Variants in FER observed in about 807,000 individuals in gnomAD.
The protein encoded by FER is tyrosine-protein kinase Fer.
Under a neutral mutation model 111.0 loss-of-function variants are expected in FER, and 63 were observed. The observed-to-expected ratio is 0.57, with a 90% CI of 0.46 to 0.70. FER has a LOEUF of 0.70. FER is among the 30% of genes least tolerant of loss of function. The pLI, the probability that FER is intolerant of heterozygous loss-of-function variation, is 0.00. For synonymous variants in FER, 327 were observed against 313.9 expected (o/e 1.04, Z -0.44); for missense variants, 914 against 954.0 (o/e 0.96, Z 0.55).
rs1160970428 is a variant in FER, at chr5:109,013,795, C to G, written c.1657-23627C>G. ...CATTCTAACTGGTGTGAGATGGTAT[C>G]TCATTGTGGTTTTGATTTGCATTTC... On this transcript the variant is annotated intron_variant, in intron 13 of 19. Coordinates refer to ENST00000281092, the MANE Select transcript of FER (RefSeq NM_005246.4). 9.4e-5 allele frequency among the ~76,000 whole-genome samples: 14 copies of G among 149,550 alleles called. No homozygotes were observed. In the South Asian group the frequency reaches 2.5e-3, roughly 27 times the overall value.
chr5:109,113,501 C>CT (rs1259954388), intron 17 of FER, among the ~76,000 whole-genome samples: 1 of 152,142 alleles, frequency 6.6e-6, no homozygotes, highest in East Asian at 1.9e-4. Context: ...AAGACATTCT[C>CT]TTTTCACTTC....
At chr5:108,849,478 G>GTTGTTGTTGTTA (rs773480769) in intron 5 of FER, among the ~76,000 whole-genome samples, 95 of 151,512 alleles carry the variant, frequency 6.3e-4, no homozygotes, top group South Asian at 1.5e-3. Context: ...TGTTGTTGTT[G>GTTGTTGTTGTTA]TTTTGTTTTG....
At chr5:109,097,315 C>G (rs1489498183) in intron 16 of FER, among the ~76,000 whole-genome samples, 1 of 151,834 alleles carries the variant, frequency 6.6e-6, no homozygotes, top group Non-Finnish European at 1.5e-5. Context: ...TTATAGAATT[C>G]TAGGAAATAA....
In FER at chr5:108,991,796, T is replaced by C. The variant is rs74355040; in HGVS notation, c.1656+32449T>C. Among the ~76,000 whole-genome samples the C allele has an allele frequency of 7.7e-3, 1,171 of 152,158 alleles. 16 individuals are homozygous for C. Among genetic ancestry groups the C allele is most frequent in the African/African-American group, 0.027 (1,106 of 41,550 alleles). ...AAGATATAACTTAGCCACAGAAATATATTAAATTATTTCAAAGCTTTCTCT... is the reference window on the plus strand; with the variant it reads ...AAGATATAACTTAGCCACAGAAATACATTAAATTATTTCAAAGCTTTCTCT... On this transcript the variant is annotated intron_variant, in intron 13 of 19. Transcript: ENST00000281092.
intron 13 of FER, among the ~76,000 whole-genome samples, chr5:108,979,118 A>C (rs1761740449): frequency 6.6e-6 from 1 of 152,188 alleles, no homozygotes; most frequent in Non-Finnish European, 1.5e-5. Flanking sequence ...GATTGTTGGC[A>C]AATTGCATTT....
intron 5 of FER, among the ~76,000 whole-genome samples, chr5:108,853,650 C>G (rs761693879): frequency 6.6e-6 from 1 of 152,106 alleles, no homozygotes; most frequent in African/African-American, 2.4e-5. Context: ...AGTACAGATA[C>G]CTTTTTGTCT....
intron 13 of FER, among the ~76,000 whole-genome samples, chr5:109,011,149 CTG>C (rs200012308): frequency 0.013 from 2,014 of 152,030 alleles, 55 homozygotes; most frequent in African/African-American, 0.046. Context: ...TTGTTTTTAT[CTG>C]TTTTTTTCAA....
intron 13 of FER, among the ~76,000 whole-genome samples, chr5:109,013,550 G>T (rs1766608340): frequency 6.7e-6 from 1 of 149,508 alleles, no homozygotes; most frequent in South Asian, 2.2e-4. Flanking sequence ...ACGTGTGCAT[G>T]TGTCTTTATA....
At chr5:108,918,040 T>C (rs1052897396) in intron 10 of FER, among the ~76,000 whole-genome samples, 33 of 152,132 alleles carry the variant, frequency 2.2e-4, no homozygotes, top group Non-Finnish European at 4.1e-4. Flanking sequence ...CCAGGAACAA[T>C]GTAAGTTGTA....
Position 108,810,190 on chromosome 5 carries a change from T to A in FER, c.207+11801T>A, listed in dbSNP as rs897267480. ...TCTTTTTGGCTCTGCCGTATGGACT[T>A]CCGTTGGCAGGTTTTATACTGGGCT... is the stretch of plus-strand genomic sequence containing the variant. On this transcript the variant is annotated intron_variant, in intron 3 of 19. Coordinates refer to ENST00000281092, the MANE Select transcript of FER (RefSeq NM_005246.4). 4.6e-5 allele frequency among the ~76,000 whole-genome samples: 7 copies of A among 152,208 alleles called. No homozygotes were observed. In the East Asian group the frequency reaches 1.3e-3, roughly 29 times the overall value.
chr5:108,765,695 A>G (rs193277516), intron 1 of FER, among the ~76,000 whole-genome samples: 56 of 152,358 alleles, frequency 3.7e-4, no homozygotes, highest in African/African-American at 1.3e-3. Flanking sequence ...AGACTAGAAC[A>G]GGGAATTCTA....
chr5:108,756,156 CA>C (rs11341627), intron 1 of FER, among the ~76,000 whole-genome samples: 56,693 of 121,032 alleles, frequency 0.47, 12,342 homozygotes, highest in African/African-American at 0.55. Context: ...AACTCCATCT[CA>C]AAAAAAAAAA....
At chr5:108,844,138 ATATATG>A (rs1336346054) in intron 5 of FER, among the ~76,000 whole-genome samples, 2 of 92,540 alleles carry the variant, frequency 2.2e-5, no homozygotes, top group African/African-American at 9.1e-5. Flanking sequence ...GTGTGTGAAC[ATATATG>A]TGTGTGTGAA....
At chr5:109,060,151 G>T (rs983705726) in intron 16 of FER, among the ~76,000 whole-genome samples, 1 of 152,140 alleles carries the variant, frequency 6.6e-6, no homozygotes, top group African/African-American at 2.4e-5. Context: ...TTTTCCTGGG[G>T]CTGGGGTGTA....
At chr5:109,067,988 G>A (rs1196189284) in intron 16 of FER, among the ~76,000 whole-genome samples, 1 of 151,990 alleles carries the variant, frequency 6.6e-6, no homozygotes, top group Non-Finnish European at 1.5e-5. Flanking sequence ...AATCATAGAA[G>A]GAATTTTACT....
intron 10 of FER, among the ~76,000 whole-genome samples, chr5:108,944,137 ACAC>A (rs750672673): frequency 6.6e-6 from 1 of 151,856 alleles, no homozygotes; most frequent in Admixed American, 6.6e-5. Context: ...ACACACACAC[ACAC>A]AAACACACAC....
chr5:108,761,457 A>G (rs974181623), intron 1 of FER, among the ~76,000 whole-genome samples: 2 of 152,164 alleles, frequency 1.3e-5, no homozygotes, highest in African/African-American at 4.8e-5. Flanking sequence ...AACACTTATC[A>G]GTTAAGTTCA....
At chr5:109,094,808 T>C (rs1290128146) in intron 16 of FER, among the ~76,000 whole-genome samples, 1 of 152,122 alleles carries the variant, frequency 6.6e-6, no homozygotes, top group Non-Finnish European at 1.5e-5. Context: ...ATCACCGCCT[T>C]AAAAATGTAA....
chr5:108,829,659 A>G (rs1759833408), intron 3 of FER, among the ~76,000 whole-genome samples: 1 of 152,052 alleles, frequency 6.6e-6, no homozygotes, highest in African/African-American at 2.4e-5. Flanking sequence ...TTTTTAAGTC[A>G]CTTTTATGGC....
Sources: gnomAD v4.1 joint callset for allele counts (sites outside exome capture counted in the v4.1 genomes callset) on GRCh38, gnomAD v4.1.1 for gene constraint, MANE v1.5 for transcripts, NCBI Gene and HGNC (gene_info 2026-07-23, HGNC 2026-07-21) for gene names.